MYH11: variants seen among roughly 807,000 people sequenced by gnomAD.
The protein encoded by MYH11 is myosin heavy chain 11.
A neutral mutation model predicts 246.6 loss-of-function variants in MYH11; 80 were observed. The observed-to-expected ratio is 0.32, with a 90% confidence interval of 0.27 to 0.39. The LOEUF is 0.39. Among genes scored for constraint, MYH11 ranks in the 10% least tolerant of loss-of-function variants. The pLI is 1.00. For missense variants in MYH11, 2,158 were observed against 2,546.8 expected (o/e 0.85, Z 3.29); for synonymous variants, 1,071 against 1,015.5 (o/e 1.05, Z -1.04).
At chr16:15,796,643 T>TC (rs1405892651) in intron 4 of MYH11, among the ~76,000 whole-genome samples, 5 of 152,128 alleles carry the variant, frequency 3.3e-5, no homozygotes, top group Non-Finnish European at 5.9e-5. Flanking sequence ...TGGCCTATCC[T>TC]CAGAATCTGT....
intron 2 of MYH11, among the ~76,000 whole-genome samples, chr16:15,830,347 GC>G (rs1395519979): frequency 1.3e-5 from 2 of 152,164 alleles, no homozygotes; most frequent in Non-Finnish European, 2.9e-5. Flanking sequence ...CTGCAGCCTT[GC>G]TTTTAAGAGC....
At chr16:15,719,805 T>G in intron 34 of MYH11, 92 bp from the exon 35 acceptor site, 1 of 1,555,770 alleles carries the variant, frequency 6.4e-7, no homozygotes, top group Non-Finnish European at 8.8e-7. Flanking sequence ...CCCCTTGGAT[T>G]TTCTGCAGTT....
At chr16:15,732,390 T>C in intron 27 of MYH11, 174 bp downstream of exon 27, 1 of 992,236 alleles carries the variant, frequency 1.0e-6, no homozygotes, top group Non-Finnish European at 1.5e-6. Context: ...GTGAGCCACC[T>C]CACCCAGCCT....
At chr16:15,779,229 A>G in intron 6 of MYH11, 1 of 350,080 alleles carries the variant, frequency 2.9e-6, no homozygotes, top group Non-Finnish European at 5.5e-6. Context: ...TCCTGGGCTC[A>G]AGCAATCCCC....
intron 1 of MYH11, among the ~76,000 whole-genome samples, chr16:15,849,815 T>A (rs2044285706): frequency 1.3e-5 from 2 of 152,152 alleles, no homozygotes; most frequent in Admixed American, 1.3e-4. Context: ...GGATGTCAAG[T>A]AACGAGTCTC....
chr16:15,840,176 T>C (rs762706483), intron 1 of MYH11, among the ~76,000 whole-genome samples: 56 of 152,194 alleles, frequency 3.7e-4, no homozygotes, highest in Non-Finnish European at 6.3e-4. Context: ...CCTGTGGTCA[T>C]GGTGGTGCTT....
rs1427020506 is a variant in MYH11, at chr16:15,717,262, G to C, written c.5382C>G (p.Asn1794Lys). ...CGTGGAGCTTGCTCCGGAGCTCCTT[G>C]TTCTGCCGCTCGAGCTGCTGCCGGG... ...ESARQQLERQ[N>K]KELRSKLHEM... is the part of the protein sequence containing the mutation. The change falls in exon 38 of 41, where the codon AAC becomes AAG. Residue 1794 changes from asparagine to lysine, a missense_variant. Asn to Lys is a moderately conservative substitution (Grantham distance 94, BLOSUM62 0). Around this residue, in one of 11 missense-constraint regions of MYH11, gnomAD observed 1,013 missense variants for 993.5 expected, o/e 1.02. Coordinates refer to ENST00000300036, the MANE Select transcript of MYH11 (RefSeq NM_002474.3). 1 of 1,614,118 alleles carries C rather than the reference G, an allele frequency of 6.2e-7. No individual in the cohort carries two copies.
intron 38 of MYH11, 33 bp from the exon 39 acceptor site, chr16:15,715,305 C>A: frequency 6.2e-7 from 1 of 1,608,534 alleles, no homozygotes; most frequent in Non-Finnish European, 8.5e-7. Flanking sequence ...GTGGTTTCAG[C>A]GGAGGGTGGC....
intron 3 of MYH11, among the ~76,000 whole-genome samples, chr16:15,815,656 C>T (rs12691049): frequency 2.0e-5 from 3 of 152,054 alleles, no homozygotes; most frequent in South Asian, 2.1e-4. Context: ...TGTGGACACA[C>T]GTTTATAGAT....
chr16:15,850,786 T>G (rs1037128545), intron 1 of MYH11, among the ~76,000 whole-genome samples: 13 of 152,054 alleles, frequency 8.5e-5, no homozygotes, highest in African/African-American at 3.1e-4. Context: ...TCCCAGCTAC[T>G]CGGGAGGCTG....
At chr16:15,764,355 T>C (rs917357550) in intron 9 of MYH11, among the ~76,000 whole-genome samples, 1 of 151,984 alleles carries the variant, frequency 6.6e-6, no homozygotes, top group Non-Finnish European at 1.5e-5. Context: ...TCAAAACTGA[T>C]GTATTGGGGC....
chr16:15,725,375 T>C (rs1318874000), intron 28 of MYH11: 1 of 542,262 alleles, frequency 1.8e-6, no homozygotes, highest in Admixed American at 3.6e-5. Flanking sequence ...TGGTCCACTC[T>C]CTAAGGCTGG....
chr16:15,775,225 T>C (rs998628111), intron 8 of MYH11, among the ~76,000 whole-genome samples: 2 of 152,208 alleles, frequency 1.3e-5, no homozygotes, highest in South Asian at 4.1e-4. Flanking sequence ...GTATACAGTG[T>C]ATTATATTTA....
intron 5 of MYH11, chr16:15,783,333 A>G (rs1221023038): frequency 6.6e-6 from 1 of 151,878 alleles, no homozygotes; most frequent in Non-Finnish European, 1.5e-5. Context: ...TCCCTTCCTT[A>G]TTTTTCCAGG....
intron 4 of MYH11, among the ~76,000 whole-genome samples, chr16:15,796,848 A>G (rs2042752756): frequency 6.6e-6 from 1 of 152,178 alleles, no homozygotes; most frequent in Non-Finnish European, 1.5e-5. Context: ...AGAAGCCAGA[A>G]AACTAGGAAA....
At position 15,788,095 on chromosome 16, in the gene MYH11, T is replaced by TTA. The variant is rs11273419; in HGVS notation, c.531-1364_531-1363insTA. Reference sequence around the variant, plus strand: ...GGTAGATCTTTTTTTTTTTTTTTTTTACCAAGATGGCTTTCGTGCACTAGC... The same window carrying TTA: ...GGTAGATCTTTTTTTTTTTTTTTTTTTAACCAAGATGGCTTTCGTGCACTAGC... On this transcript the variant is annotated intron_variant, in intron 4 of 40. Transcript: ENST00000300036. Among the ~76,000 whole-genome samples, 40 of 99,516 alleles carry TTA rather than the reference T, an allele frequency of 4.0e-4. 5 individuals carry two copies. In the East Asian group the frequency reaches 7.2e-3, roughly 18 times the overall value. 65.3% of individuals were successfully genotyped at this position (99,516 alleles called of 152,430 possible).
intron 2 of MYH11, among the ~76,000 whole-genome samples, chr16:15,828,720 G>C (rs2043639545): frequency 6.6e-6 from 1 of 151,550 alleles, no homozygotes; most frequent in Admixed American, 6.6e-5. Flanking sequence ...TTGAACCCAG[G>C]AGGTGGAGGT....
At chr16:15,766,792 G>T (rs887174611) in intron 9 of MYH11, among the ~76,000 whole-genome samples, 1 of 152,190 alleles carries the variant, frequency 6.6e-6, no homozygotes, top group African/African-American at 2.4e-5. Flanking sequence ...TTCCAGAAAT[G>T]ACAAAAGAAT....
At chr16:15,753,589 T>G in intron 14 of MYH11, 81 bp from the exon 15 acceptor site, 1 of 1,056,658 alleles carries the variant, frequency 9.5e-7, no homozygotes, top group Non-Finnish European at 1.5e-6. Flanking sequence ...GCCCTCCCAT[T>G]GTCCTTCCAG....
Sources: gnomAD v4.1 joint callset for allele counts (sites outside exome capture counted in the v4.1 genomes callset) on GRCh38, gnomAD v4.1.1 for gene constraint, gnomAD v4.1.1 regional missense constraint, MANE v1.5 for transcripts, NCBI Gene and HGNC (gene_info 2026-07-23, HGNC 2026-07-21) for gene names.